The following PKP1 variants were observed in gnomAD, a reference collection of about 807,000 sequenced individuals.
PKP1 encodes the protein plakophilin-1.
PKP1 carries 27 observed loss-of-function variants against 76.4 expected under a neutral mutation model. That is an observed-to-expected ratio of 0.35 (90% confidence interval 0.26 to 0.49). The LOEUF (loss-of-function observed/expected upper bound fraction) is 0.49, where lower values mean the gene tolerates loss of function less well. PKP1 is among the 20% of genes least tolerant of loss of function. PKP1 has a pLI of 0.99. For synonymous variants in PKP1, 404 were observed against 384.2 expected (o/e 1.05, Z -0.60); for missense variants, 964 against 955.2 (o/e 1.01, Z -0.12).
chr1:201,316,045 T>A (rs1254523996), intron 3 of PKP1: 2 of 129,904 alleles, frequency 1.5e-5, no homozygotes, highest in Non-Finnish European at 3.4e-5. Context: ...GATGGATGGA[T>A]AAATGGATGG....
chr1:201,293,390 G>A (rs1348109963), intron 1 of PKP1, among the ~76,000 whole-genome samples: 4 of 152,160 alleles, frequency 2.6e-5, no homozygotes, highest in Admixed American at 6.5e-5. Flanking sequence ...GAGGTTGATC[G>A]CCGCTCCCCC....
Position 201,318,872 on chromosome 1 carries a change from T to C in PKP1, c.1232+77T>C. 4 of 1,226,324 alleles carry C rather than the reference T, an allele frequency of 3.3e-6. No individual in the cohort carries two copies. The South Asian group carries it at 3.9e-5, about 12-fold the overall frequency. 76.0% of individuals were successfully genotyped at this position (1,226,324 alleles called of 1,614,324 possible). A position where few individuals can be genotyped will look rare whatever the true frequency, so the allele number is the denominator to read the frequency against. ...CCAGGCAGCCCCATCTCAGCCAACATTCAGCCGGTGCATAGAACATAACAG... is the reference window on the plus strand; with the variant it reads ...CCAGGCAGCCCCATCTCAGCCAACACTCAGCCGGTGCATAGAACATAACAG... On this transcript the variant is annotated intron_variant, in intron 6 of 13. Coordinates refer to ENST00000367324, the MANE Select transcript of PKP1 (RefSeq NM_001005337.3).
chr1:201,329,065 T>A (rs1657234035), intron 13 of PKP1, among the ~76,000 whole-genome samples, 197 bp downstream of exon 13: 1 of 152,128 alleles, frequency 6.6e-6, no homozygotes, highest in Admixed American at 6.5e-5. Context: ...TAGGGGTGTA[T>A]AATGTCCTGG....
intron 2 of PKP1, among the ~76,000 whole-genome samples, chr1:201,308,015 C>T (rs1242657997): frequency 6.6e-6 from 1 of 152,176 alleles, no homozygotes; most frequent in African/African-American, 2.4e-5. Flanking sequence ...TCAAAATGGG[C>T]TAATAGCTGG....
At position 201,314,522 on chromosome 1, in the gene PKP1, A is replaced by G. The variant is rs148853430; in HGVS notation, c.701+962A>G. Reference sequence around the variant, plus strand: ...ACCCTGAGGGACTTCATGGGGCTTCATGATCTACTGCTACAGAACAGAGCA... The same window carrying G: ...ACCCTGAGGGACTTCATGGGGCTTCGTGATCTACTGCTACAGAACAGAGCA... On this transcript the variant is annotated intron_variant, in intron 3 of 13. Coordinates refer to ENST00000367324, the MANE Select transcript of PKP1 (RefSeq NM_001005337.3). Among the ~76,000 whole-genome samples the G allele has an allele frequency of 3.4e-3, 523 of 152,344 alleles. 3 individuals are homozygous for G. Among genetic ancestry groups the G allele is most frequent in the Admixed American group, 6.5e-3 (99 of 15,300 alleles).
chr1:201,331,589 T>G lies in PKP1; in HGVS notation c.*1548T>G, dbSNP rs181971047. 2.0e-5 allele frequency: 3 copies of G among 152,342 alleles called. No individual in the cohort carries two copies. The highest frequency in any genetic ancestry group is 7.2e-5 in the African/African-American group (3 of 41,432). The allele number at this position is 152,342 out of a possible 1,614,324, so 9.4% of individuals were successfully genotyped here. On this transcript the variant is annotated 3_prime_UTR_variant, in exon 14 of 14. Transcript: ENST00000367324. The stretch of plus-strand genomic sequence containing the variant: ...TGCCCTTCTCTAGAAGAATATAAGA[T>G]GCTCCTCCTCCTCACCCCTTCTCAG...
intron 4 of PKP1, among the ~76,000 whole-genome samples, chr1:201,317,213 T>C (rs1656778520): frequency 6.6e-6 from 1 of 152,198 alleles, no homozygotes; most frequent in African/African-American, 2.4e-5. Context: ...TGCATTTCTA[T>C]GTCTGTGTTC....
intron 2 of PKP1, among the ~76,000 whole-genome samples, chr1:201,301,041 G>A (rs1405800537): frequency 2.0e-5 from 3 of 152,188 alleles, no homozygotes; most frequent in Non-Finnish European, 4.4e-5. Context: ...AAGCCTCCCA[G>A]GCCTTCATCA....
chr1:201,299,763 C>G (rs996181268), intron 2 of PKP1, among the ~76,000 whole-genome samples: 1 of 152,374 alleles, frequency 6.6e-6, no homozygotes, highest in South Asian at 2.1e-4. Flanking sequence ...ACTTTAGCTT[C>G]ACAGACAGGG....
intron 2 of PKP1, among the ~76,000 whole-genome samples, chr1:201,295,102 G>T (rs1360583748): frequency 6.6e-6 from 1 of 152,100 alleles, no homozygotes; most frequent in Non-Finnish European, 1.5e-5. Flanking sequence ...TCTTGGTGGG[G>T]CCTTAGGATG....
At position 201,330,802 on chromosome 1, in the gene PKP1, A is replaced by T. The variant is rs1233841098; in HGVS notation, c.*761A>T. The T allele has an allele frequency of 6.6e-6, 1 of 152,290 alleles. No individual in the cohort carries two copies. The highest frequency in any genetic ancestry group is 1.5e-5 in the Non-Finnish European group (1 of 68,090). 9.4% of individuals were successfully genotyped at this position (152,290 alleles called of 1,614,324 possible). A position where few individuals can be genotyped will look rare whatever the true frequency, so the allele number is the denominator to read the frequency against. ...CCAGAGGACAGCAGGACACTCTCGC[A>T]TACTTTGCCAAATGAGGCCTGCTCA... On this transcript the variant is annotated 3_prime_UTR_variant, in exon 14 of 14. Coordinates refer to ENST00000367324, the MANE Select transcript of PKP1 (RefSeq NM_001005337.3).
intron 1 of PKP1, among the ~76,000 whole-genome samples, chr1:201,290,644 C>T (rs1655890416): frequency 6.6e-6 from 1 of 152,176 alleles, no homozygotes; most frequent in Non-Finnish European, 1.5e-5. Context: ...CACCAGGCAT[C>T]AGAGCACGTT....
chr1:201,283,726 C>A lies in PKP1; in HGVS notation c.24C>A (p.Thr8=). The A allele has an allele frequency of 6.2e-7, 1 of 1,614,062 alleles. No homozygotes were observed. The highest frequency in any genetic ancestry group is 8.5e-7 in the Non-Finnish European group (1 of 1,179,930). ...CCATGAACCACTCGCCGCTCAAGAC[C>A]GCCTTGGCGTACGAATGCTTCCAGG... MNHSPLK[T]ALAYECFQDQ... Residue 8 remains threonine (T), a synonymous_variant, in exon 1 of 14, where the codon ACC becomes ACA. Transcript: ENST00000367324.
chr1:201,296,918 T>A (rs1166124919), intron 2 of PKP1, among the ~76,000 whole-genome samples: 1 of 152,188 alleles, frequency 6.6e-6, no homozygotes, highest in Non-Finnish European at 1.5e-5. Context: ...GTTCTAAATA[T>A]CAAACCATTC....
At chr1:201,327,804 T>C (rs1308436475) in intron 12 of PKP1, among the ~76,000 whole-genome samples, 1 of 151,982 alleles carries the variant, frequency 6.6e-6, no homozygotes, top group Non-Finnish European at 1.5e-5. Context: ...CATCATGCAT[T>C]GAGTTGTCAC....
Position 201,332,593 on chromosome 1 carries a change from GA to G in PKP1, c.*2554del, listed in dbSNP as rs1311868847. The G allele has an allele frequency of 7.0e-6, 1 of 142,200 alleles. No homozygotes were observed. The highest frequency in any genetic ancestry group is 2.0e-4 in the East Asian group (1 of 5,122). 8.8% of individuals were successfully genotyped at this position (142,200 alleles called of 1,614,324 possible). A position where few individuals can be genotyped will look rare whatever the true frequency, so the allele number is the denominator to read the frequency against. ...GAGTTCCAATTTGGGGCCAAATGAG[GA>G]AGGACACAGACTCTGCCCTGGGATC... On this transcript the variant is annotated 3_prime_UTR_variant, in exon 14 of 14. Coordinates refer to ENST00000367324, the MANE Select transcript of PKP1 (RefSeq NM_001005337.3).
At chr1:201,317,036 C>T (rs968555283) in intron 4 of PKP1, among the ~76,000 whole-genome samples, 5 of 152,170 alleles carry the variant, frequency 3.3e-5, no homozygotes, top group African/African-American at 1.2e-4. Context: ...CTCCTACCTG[C>T]TTCCTCTCTC....
At chr1:201,289,688 G>GCACACACACACA (rs3057891) in intron 1 of PKP1, among the ~76,000 whole-genome samples, 2 of 144,948 alleles carry the variant, frequency 1.4e-5, no homozygotes, top group Admixed American at 6.9e-5. Context: ...TGGGAGGAGT[G>GCACACACACACA]CACACACACA....
chr1:201,319,518 T>C (rs1244327886), intron 6 of PKP1, among the ~76,000 whole-genome samples: 1 of 152,136 alleles, frequency 6.6e-6, no homozygotes, highest in African/African-American at 2.4e-5. Flanking sequence ...CTTGTGTTTC[T>C]CCCTGCCAGC....
Sources: gnomAD v4.1 joint callset for allele counts (sites outside exome capture counted in the v4.1 genomes callset) on GRCh38, gnomAD v4.1.1 for gene constraint, MANE v1.5 for transcripts, NCBI Gene and HGNC (gene_info 2026-07-23, HGNC 2026-07-21) for gene names.